Variants in DCHS2 observed in about 807,000 individuals in gnomAD.
DCHS2 encodes dachsous cadherin-related 2.
In DCHS2, 142 loss-of-function variants were observed where a neutral mutation model predicts 182.4. That is an observed-to-expected ratio of 0.78 (90% CI 0.68 to 0.89). The LOEUF (loss-of-function observed/expected upper bound fraction) is 0.89, where lower values mean the gene tolerates loss of function less well. DCHS2 is among the 40% of genes least tolerant of loss of function. The probability of loss-of-function intolerance (pLI) is 0.00; values close to 1 mark genes in which losing one functional copy is unlikely to be tolerated. For synonymous variants in DCHS2, 1,740 were observed against 1,663.3 expected (o/e 1.05, Z -1.12); for missense variants, 4,319 against 4,198.6 (o/e 1.03, Z -0.79).
chr4:154,446,825 T>C (rs1001912288), intron 1 of DCHS2, among the ~76,000 whole-genome samples: 23 of 152,312 alleles, frequency 1.5e-4, no homozygotes, highest in African/African-American at 4.6e-4. Context: ...CCTATTCAAG[T>C]ACAATTTACT....
chr4:154,356,777 C>G lies in DCHS2; in HGVS notation c.2476+9433G>C, dbSNP rs539749427. Among the ~76,000 whole-genome samples, 20 of 152,232 alleles carry G rather than the reference C, an allele frequency of 1.3e-4. No homozygotes were observed. In the East Asian group the frequency reaches 3.5e-3, roughly 26 times the overall value. On this transcript the variant is annotated intron_variant, in intron 3 of 19. Coordinates refer to ENST00000357232, the MANE Select transcript of DCHS2 (RefSeq NM_001358235.2). ...TGCCATCTAGATTTATGTAAGTACA[C>G]TTTATGATGTTCACACAACAACGAA...
chr4:154,278,724 AT>A (rs888900213), intron 13 of DCHS2, among the ~76,000 whole-genome samples: 1 of 152,118 alleles, frequency 6.6e-6, no homozygotes, highest in Admixed American at 6.6e-5. Flanking sequence ...AGGGAGTAGG[AT>A]GATGTACTCA....
At chr4:154,397,153 T>C (rs1486094288) in intron 1 of DCHS2, among the ~76,000 whole-genome samples, 1 of 152,152 alleles carries the variant, frequency 6.6e-6, no homozygotes, top group Non-Finnish European at 1.5e-5. Context: ...ATTATACTAA[T>C]TCTAATGACA....
chr4:154,266,263 G>A (rs922324276), intron 14 of DCHS2, among the ~76,000 whole-genome samples: 5 of 152,258 alleles, frequency 3.3e-5, no homozygotes, highest in Middle Eastern at 3.4e-3. Context: ...CGATGATGTC[G>A]ATGGTTGGAT....
Position 154,302,796 on chromosome 4 carries a change from T to G in DCHS2, c.5605+1873A>C, listed in dbSNP as rs922516455. Among the ~76,000 whole-genome samples the G allele has an allele frequency of 2.1e-5, 3 of 140,210 alleles. No individual in the cohort carries two copies. In the South Asian group the frequency reaches 6.4e-4, roughly 30 times the overall value. The allele number at this position is 140,210 out of a possible 152,430, so 92.0% of individuals were successfully genotyped here. The stretch of plus-strand genomic sequence containing the variant: ...ACAAGGGGAGGATGCCTTTCATATA[T>G]ATATACTTATATATATTTCATATAT... On this transcript the variant is annotated intron_variant, in intron 12 of 19. Transcript: ENST00000357232.
chr4:154,269,928 A>G lies in DCHS2; in HGVS notation c.6549T>C (p.Asp2183=), dbSNP rs752297817. The G allele has an allele frequency of 5.6e-6, 9 of 1,612,374 alleles. No homozygotes were observed. The African/African-American group carries it at 1.2e-4, about 22-fold the overall frequency. ...ACTTAGAGCACAGGGAAAGAACTCC[A>G]TCTTCATTTCCACTAAAAATTGAAT... ...MKYSIFSGNE[D]GVLSLCSKSG... Residue 2183 remains aspartate (D), a synonymous_variant, in exon 14 of 20, where the codon GAT becomes GAC. Coordinates refer to ENST00000357232, the MANE Select transcript of DCHS2 (RefSeq NM_001358235.2).
At chr4:154,399,566 C>G (rs1177358557) in intron 1 of DCHS2, among the ~76,000 whole-genome samples, 1 of 152,104 alleles carries the variant, frequency 6.6e-6, no homozygotes, top group African/African-American at 2.4e-5. Context: ...AAAATGAGAA[C>G]TGCGAATAAT....
At chr4:154,282,958 T>C (rs78807182) in intron 13 of DCHS2, among the ~76,000 whole-genome samples, 1,738 of 152,262 alleles carry the variant, frequency 0.011, 37 homozygotes, top group African/African-American at 0.038. Context: ...ATTCCACTTA[T>C]ATGAAGTATT....
intron 1 of DCHS2, among the ~76,000 whole-genome samples, chr4:154,403,771 A>T (rs931376342): frequency 6.6e-6 from 1 of 152,154 alleles, no homozygotes; most frequent in Non-Finnish European, 1.5e-5. Flanking sequence ...AATTATTAAA[A>T]ATTCTATGTC....
In DCHS2 at chr4:154,234,551, A is replaced by G. The variant is rs1731350526; in HGVS notation, c.10101T>C (p.Asp3367=). The change falls in exon 20 of 20, where the codon GAT becomes GAC. Residue 3367 remains aspartate (D), a synonymous_variant. Transcript: ENST00000357232. The part of the protein sequence containing the change: ...SGTCHELKAE[D]EVQI ...CCCAGTGGTTTCATATTTGAACTTC[A>G]TCTTCTGCTTTAAGTTCATGGCATG... 1 of 1,608,810 alleles carries G rather than the reference A, an allele frequency of 6.2e-7. No individual in the cohort carries two copies. Among genetic ancestry groups the G allele is most frequent in the African/African-American group, 1.3e-5 (1 of 74,930 alleles).
chr4:154,485,190 G>T (rs1170798523), intron 1 of DCHS2, among the ~76,000 whole-genome samples: 5 of 152,120 alleles, frequency 3.3e-5, no homozygotes, highest in African/African-American at 1.2e-4. Context: ...CTTTGGGAAT[G>T]CCTCTACCAC....
intron 1 of DCHS2, among the ~76,000 whole-genome samples, chr4:154,395,125 A>C (rs1465136589): frequency 6.6e-6 from 1 of 152,194 alleles, no homozygotes; most frequent in Non-Finnish European, 1.5e-5. Flanking sequence ...TCCTAACACA[A>C]TGCTTAGCCA....
intron 7 of DCHS2, among the ~76,000 whole-genome samples, chr4:154,326,949 T>C (rs1736308911): frequency 6.6e-6 from 1 of 152,176 alleles, no homozygotes; most frequent in Non-Finnish European, 1.5e-5. Flanking sequence ...CATACTGAAT[T>C]AATAATGATA....
Position 154,491,173 on chromosome 4 carries a change from G to A in DCHS2, c.183C>T (p.Gly61=). Reference sequence around the variant, plus strand: ...TGAGGTTGAACAACTGGGCAGAGGAGCCCGAGGCCGCCCACAGCCACACGT... The same window carrying A: ...TGAGGTTGAACAACTGGGCAGAGGAACCCGAGGCCGCCCACAGCCACACGT... ...LVHVWLWAAS[G]SSAQLFNLTL... The change falls in exon 1 of 20, where the codon GGC becomes GGT. Residue 61 remains glycine (G), a synonymous_variant. Transcript: ENST00000357232. The A allele has an allele frequency of 6.4e-7, 1 of 1,551,276 alleles. No individual in the cohort carries two copies. The highest frequency in any genetic ancestry group is 1.2e-5 in the South Asian group (1 of 84,034).
At chr4:154,323,468 T>C in intron 7 of DCHS2, 1 of 1,235,422 alleles carries the variant, frequency 8.1e-7, no homozygotes, top group Non-Finnish European at 1.1e-6. Context: ...TAGCTGGGAC[T>C]ACAGGCATGG....
intron 1 of DCHS2, among the ~76,000 whole-genome samples, chr4:154,466,685 A>G (rs1735254117): frequency 6.6e-6 from 1 of 152,224 alleles, no homozygotes; most frequent in South Asian, 2.1e-4. Flanking sequence ...CTAAAAGCTG[A>G]ACTATTTTTT....
Position 154,491,655 on chromosome 4 carries a change from T to C in DCHS2, c.-300A>G. ...TTTTTCTCTCTCCTTTTATTCCCTTTACATCTGTTCCTTGTTCTACTCGGC... is the reference window on the plus strand; with the variant it reads ...TTTTTCTCTCTCCTTTTATTCCCTTCACATCTGTTCCTTGTTCTACTCGGC... On this transcript the variant is annotated 5_prime_UTR_variant, in exon 1 of 20. The change abolishes the stop of an existing upstream ORF in the 5' untranslated region. Transcript: ENST00000357232. 1 of 1,252,426 alleles carries C rather than the reference T, an allele frequency of 8.0e-7. No homozygotes were observed. Among genetic ancestry groups the C allele is most frequent in the Non-Finnish European group, 1.0e-6 (1 of 1,000,304 alleles). 77.6% of individuals were successfully genotyped at this position (1,252,426 alleles called of 1,614,324 possible). A position where few individuals can be genotyped will look rare whatever the true frequency, so the allele number is the denominator to read the frequency against.
intron 1 of DCHS2, among the ~76,000 whole-genome samples, chr4:154,460,277 T>A (rs1023211686): frequency 6.6e-6 from 1 of 152,222 alleles, no homozygotes; most frequent in African/African-American, 2.4e-5. Flanking sequence ...CAACCCCTTC[T>A]TAGACACACT....
intron 1 of DCHS2, chr4:154,384,471 C>T: frequency 1.3e-6 from 2 of 1,588,774 alleles, no homozygotes; most frequent in Non-Finnish European, 8.6e-7. Context: ...ACACTGACTG[C>T]TTGTAGGGGA....
Sources: gnomAD v4.1 joint callset for allele counts (sites outside exome capture counted in the v4.1 genomes callset) on GRCh38, gnomAD v4.1.1 for gene constraint, MANE v1.5 for transcripts, NCBI Gene and HGNC (gene_info 2026-07-23, HGNC 2026-07-21) for gene names.